SERPINB8: variants seen among roughly 807,000 people sequenced by gnomAD.
The protein encoded by SERPINB8 is serpin family B member 8.
In SERPINB8, 25 loss-of-function variants were observed where a neutral mutation model predicts 35.3. The ratio of observed to expected loss-of-function variants is 0.71; its 90% confidence interval spans 0.52 to 0.99. SERPINB8 has a LOEUF of 0.99. SERPINB8 is among the 50% of genes least tolerant of loss of function. The pLI is 0.00. For synonymous variants in SERPINB8, 186 were observed against 160.8 expected, an observed-to-expected ratio of 1.16 and a Z score of -1.19; for missense variants, 484 against 446.5, an observed-to-expected ratio of 1.08 and a Z score of -0.76.
chr18:63,972,601 T>A (rs1426863019), intron 1 of SERPINB8, among the ~76,000 whole-genome samples: 1 of 152,200 alleles, frequency 6.6e-6, no homozygotes, highest in Non-Finnish European at 1.5e-5. Context: ...ACTAGTCATT[T>A]ACATTAGGTA....
chr18:63,984,191 G>T (rs781245868), intron 5 of SERPINB8, among the ~76,000 whole-genome samples: 3 of 152,118 alleles, frequency 2.0e-5, no homozygotes, highest in African/African-American at 4.8e-5. Flanking sequence ...CTTTAATGGC[G>T]GAAGGAAGAG....
chr18:63,972,517 T>C (rs1223320473), intron 1 of SERPINB8, among the ~76,000 whole-genome samples: 1 of 152,124 alleles, frequency 6.6e-6, no homozygotes, highest in Admixed American at 6.5e-5. Context: ...CTTTAAGCTC[T>C]AGGGTAAAAG....
chr18:63,981,571 C>A (rs779904716), intron 3 of SERPINB8, 150 bp from the exon 4 acceptor site: 1 of 622,488 alleles, frequency 1.6e-6, no homozygotes, highest in Non-Finnish European at 2.9e-6. Flanking sequence ...GTGGCCCATA[C>A]ATTTTTGTTA....
chr18:63,996,793 G>C (rs1426494609), intron 1 of SERPINB8, among the ~76,000 whole-genome samples: 1 of 152,254 alleles, frequency 6.6e-6, no homozygotes, highest in Non-Finnish European at 1.5e-5. Context: ...ATCTCGTTTA[G>C]AGGAGATGAC....
At chr18:64,013,195 GTCAGTGTCCACTGGC>G (rs2050933825) in intron 7 of SERPINB8, among the ~76,000 whole-genome samples, 1 of 151,464 alleles carries the variant, frequency 6.6e-6, no homozygotes, top group Non-Finnish European at 1.5e-5. Flanking sequence ...CCCCGCTCCA[GTCAGTGTCCACTGGC>G]TCATGAGCCT....
intron 7 of SERPINB8, among the ~76,000 whole-genome samples, chr18:64,016,763 G>A (rs1286255658): frequency 1.3e-5 from 2 of 152,054 alleles, no homozygotes; most frequent in Non-Finnish European, 2.9e-5. Context: ...TTATGGGTAT[G>A]GAAGACAAAT....
chr18:64,005,932 T>C (rs531082729), downstream of SERPINB8, among the ~76,000 whole-genome samples: 1 of 152,120 alleles, frequency 6.6e-6, no homozygotes, highest in South Asian at 2.1e-4. Context: ...TCAAGCAAGG[T>C]GCCCGCTGAT....
downstream of SERPINB8, among the ~76,000 whole-genome samples, chr18:63,993,936 C>T (rs1043459575): frequency 1.3e-5 from 2 of 152,164 alleles, no homozygotes; most frequent in Non-Finnish European, 2.9e-5. Context: ...CAGAGGCCTT[C>T]GCTGAGACAC....
chr18:63,983,260 G>A (rs945870441), intron 4 of SERPINB8, among the ~76,000 whole-genome samples: 1 of 152,186 alleles, frequency 6.6e-6, no homozygotes, highest in African/African-American at 2.4e-5. Flanking sequence ...ACTCTGGGGT[G>A]ATGTTCTCAA....
intron 5 of SERPINB8, among the ~76,000 whole-genome samples, chr18:63,984,715 C>A (rs2050723697): frequency 6.6e-6 from 1 of 152,218 alleles, no homozygotes; most frequent in Non-Finnish European, 1.5e-5. Context: ...CTTTTCTAAC[C>A]AGATCCTTCA....
chr18:63,997,813 A>G (rs1439381895), intron 1 of SERPINB8, among the ~76,000 whole-genome samples: 2 of 152,250 alleles, frequency 1.3e-5, no homozygotes, highest in Non-Finnish European at 1.5e-5. Flanking sequence ...ACTCCTAATA[A>G]GCTCTTTGTT....
At chr18:63,972,538 G>A (rs977930713) in intron 1 of SERPINB8, among the ~76,000 whole-genome samples, 15 of 152,002 alleles carry the variant, frequency 9.9e-5, no homozygotes, top group Non-Finnish European at 1.5e-4. Context: ...TGCACAATAT[G>A]CAAGTTTGAT....
chr18:63,996,974 C>T (rs75949554), intron 1 of SERPINB8, among the ~76,000 whole-genome samples: 7,533 of 152,334 alleles, frequency 0.049, 260 homozygotes, highest in Middle Eastern at 0.078. Context: ...ATTCAACAGG[C>T]TACCACAGCC....
chr18:64,001,779 G>A (rs1283727917), intron 1 of SERPINB8, among the ~76,000 whole-genome samples: 3 of 152,184 alleles, frequency 2.0e-5, no homozygotes, highest in East Asian at 1.9e-4. Context: ...GAGCCACCGC[G>A]CCCGACCCGT....
At chr18:63,983,295 A>G (rs922387818) in intron 4 of SERPINB8, among the ~76,000 whole-genome samples, 1 of 152,190 alleles carries the variant, frequency 6.6e-6, no homozygotes, top group African/African-American at 2.4e-5. Context: ...ACCTGTGTGC[A>G]CTCAGCAAAA....
At chr18:64,010,373 T>C (rs888628173), downstream of SERPINB8, among the ~76,000 whole-genome samples, 3 of 152,196 alleles carry the variant, frequency 2.0e-5, no homozygotes, top group African/African-American at 7.2e-5. Flanking sequence ...AGCTAAGATA[T>C]TCTACTCCTA....
chr18:64,016,404 G>C (rs1035829927), intron 7 of SERPINB8, among the ~76,000 whole-genome samples: 1 of 152,140 alleles, frequency 6.6e-6, no homozygotes, highest in African/African-American at 2.4e-5. Flanking sequence ...TCAATGCAGG[G>C]TAGATTGCAG....
intron 1 of SERPINB8, among the ~76,000 whole-genome samples, chr18:63,995,879 C>T (rs1055296690): frequency 1.3e-5 from 2 of 152,184 alleles, no homozygotes; most frequent in African/African-American, 4.8e-5. Flanking sequence ...ATCCATCTCC[C>T]TGACCAGCTA....
Position 63,987,181 on chromosome 18 carries a change from T to C in SERPINB8, c.1028T>C (p.Met343Thr), listed in dbSNP as rs754373894. 2 of 1,614,060 alleles carry C rather than the reference T, an allele frequency of 1.2e-6. No individual in the cohort carries two copies. Among genetic ancestry groups the C allele is most frequent in the Non-Finnish European group, 1.7e-6 (2 of 1,180,028 alleles). Residue 343 changes from methionine (M) to threonine (T), a missense_variant, in exon 7 of 7, where the codon ATG becomes ACG. Transcript: ENST00000397985. Reference sequence around the variant, plus strand: ...GTCAGGAATTCCCGGTGCAGCAGAATGGAGCCAAGATTCTGTGCAGACCAC... The same window carrying C: ...GTCAGGAATTCCCGGTGCAGCAGAACGGAGCCAAGATTCTGTGCAGACCAC... ...AVVRNSRCSR[M>T]EPRFCADHPF...
Sources: allele counts gnomAD v4.1 joint callset (sites outside exome capture counted in the v4.1 genomes callset), GRCh38; gene constraint gnomAD v4.1.1; transcripts MANE v1.5; gene names NCBI Gene and HGNC (gene_info 2026-07-23, HGNC 2026-07-21).